The following MAGI2 variants were observed in gnomAD, a reference collection of about 807,000 sequenced individuals.
The protein encoded by MAGI2 is membrane-associated guanylate kinase, WW and PDZ domain-containing protein 2.
In MAGI2, 35 loss-of-function variants were observed where a neutral mutation model predicts 133.3. The ratio of observed to expected loss-of-function variants is 0.26; its 90% CI spans 0.20 to 0.35. The LOEUF (loss-of-function observed/expected upper bound fraction) is 0.35, where lower values mean the gene tolerates loss of function less well. Ranked by LOEUF, MAGI2 falls within the 10% of genes least tolerant of loss-of-function variation. The pLI, the probability that MAGI2 is intolerant of heterozygous loss-of-function variation, is 1.00. For synonymous variants in MAGI2, 729 were observed against 710.6 expected (o/e 1.03, Z -0.41); for missense variants, 1,636 against 1,863.4 (o/e 0.88, Z 2.25).
At chr7:78,277,548 G>A (rs970293089) in intron 9 of MAGI2, among the ~76,000 whole-genome samples, 1 of 152,128 alleles carries the variant, frequency 6.6e-6, no homozygotes, top group Admixed American at 6.5e-5. Flanking sequence ...TTAGAAAATG[G>A]GGTTAGCAAG....
intron 2 of MAGI2, among the ~76,000 whole-genome samples, chr7:78,681,991 A>T (rs1815721197): frequency 6.6e-6 from 1 of 150,426 alleles, no homozygotes; most frequent in African/African-American, 2.4e-5. Context: ...GACCAAGTAA[A>T]TTTTTTTTTT....
At chr7:79,003,559 T>C (rs1257124323) in intron 2 of MAGI2, among the ~76,000 whole-genome samples, 1 of 152,130 alleles carries the variant, frequency 6.6e-6, no homozygotes, top group Non-Finnish European at 1.5e-5. Flanking sequence ...TGAAAACCAA[T>C]GAGAATTTCT....
intron 1 of MAGI2, among the ~76,000 whole-genome samples, chr7:79,026,701 C>T (rs985584561): frequency 1.3e-5 from 2 of 151,836 alleles, no homozygotes; most frequent in Non-Finnish European, 2.9e-5. Context: ...GATGAAACCC[C>T]GTTTCCACTA....
chr7:78,472,461 C>A (rs949411613), intron 6 of MAGI2, among the ~76,000 whole-genome samples: 1 of 151,848 alleles, frequency 6.6e-6, no homozygotes, highest in Non-Finnish European at 1.5e-5. Context: ...TTCCCCAAGG[C>A]AGTAAAGGAG....
At chr7:78,133,479 C>T (rs1014470606) in intron 17 of MAGI2, among the ~76,000 whole-genome samples, 2 of 152,076 alleles carry the variant, frequency 1.3e-5, no homozygotes, top group African/African-American at 4.8e-5. Flanking sequence ...AGGAATGAAC[C>T]ATAAAAAGAA....
intron 3 of MAGI2, among the ~76,000 whole-genome samples, chr7:78,552,032 A>T (rs1453305632): frequency 2.6e-5 from 4 of 152,218 alleles, no homozygotes; most frequent in Non-Finnish European, 5.9e-5. Context: ...GGCATAAGCC[A>T]CTGCATCCAG....
chr7:79,204,281 C>G (rs1161162456), intron 1 of MAGI2, among the ~76,000 whole-genome samples: 1 of 152,086 alleles, frequency 6.6e-6, no homozygotes, highest in East Asian at 1.9e-4. Flanking sequence ...TAAACTCAAA[C>G]TATGACCTGC....
chr7:78,614,541 C>A lies in MAGI2; in HGVS notation c.538+12579G>T, dbSNP rs979593952. 2.6e-5 allele frequency: 4 copies of A among 151,998 alleles called. No individual in the cohort carries two copies. The East Asian group carries it at 5.8e-4, about 22-fold the overall frequency. 9.4% of individuals were successfully genotyped at this position (151,998 alleles called of 1,614,324 possible). On this transcript the variant is annotated intron_variant, in intron 3 of 21. Coordinates refer to ENST00000354212, the MANE Select transcript of MAGI2 (RefSeq NM_012301.4). Reference sequence around the variant, plus strand: ...GGGCAAAAGAATATGCAGTTTTTAACTTTATTATAATTGTAAAATATCTAA... The same window carrying A: ...GGGCAAAAGAATATGCAGTTTTTAAATTTATTATAATTGTAAAATATCTAA...
chr7:78,019,714 G>A lies in MAGI2; in HGVS notation c.3969C>T (p.Ala1323=). 6.3e-7 allele frequency: 1 copy of A among 1,591,536 alleles called. No individual in the cohort carries two copies. Among genetic ancestry groups the A allele is most frequent in the Non-Finnish European group, 8.5e-7 (1 of 1,173,550 alleles). Residue 1323 remains alanine (A), a synonymous_variant, in exon 22 of 22, where the codon GCC becomes GCT. Transcript: ENST00000354212. ...QRERSASPQR[A]ARPRLEEAPG... is the part of the protein sequence containing the mutation. ...GCGCCTCCTCGAGCCTCGGCCGCGC[G>A]GCCCTCTGCGGACTCGCCGAGCGCT... is the stretch of plus-strand genomic sequence containing the variant.
intron 2 of MAGI2, among the ~76,000 whole-genome samples, chr7:78,820,225 T>C (rs1789973119): frequency 6.6e-6 from 1 of 152,000 alleles, no homozygotes; most frequent in East Asian, 1.9e-4. Flanking sequence ...TTGGGTATAA[T>C]GGAGCTTTAA....
intron 3 of MAGI2, among the ~76,000 whole-genome samples, chr7:78,538,894 C>A (rs981459874): frequency 2.0e-5 from 3 of 152,096 alleles, no homozygotes; most frequent in Non-Finnish European, 2.9e-5. Context: ...GATATTCAGG[C>A]AACAACTAGC....
At chr7:78,921,913 T>A (rs946764027) in intron 2 of MAGI2, among the ~76,000 whole-genome samples, 1 of 152,096 alleles carries the variant, frequency 6.6e-6, no homozygotes, top group African/African-American at 2.4e-5. Context: ...GGATTATAGG[T>A]GTGAGCCACT....
intron 2 of MAGI2, among the ~76,000 whole-genome samples, chr7:78,639,016 A>G (rs1047151263): frequency 2.0e-5 from 3 of 152,204 alleles, no homozygotes; most frequent in Admixed American, 6.5e-5. Context: ...AATCTGGGCC[A>G]GAACTAGACT....
intron 2 of MAGI2, among the ~76,000 whole-genome samples, chr7:78,723,251 A>G (rs994148069): frequency 4.6e-5 from 7 of 152,214 alleles, no homozygotes; most frequent in Admixed American, 1.3e-4. Context: ...AGATGGCCTT[A>G]TAAATTCTAT....
chr7:78,888,635 C>T (rs1232869362), intron 2 of MAGI2, among the ~76,000 whole-genome samples: 2 of 152,190 alleles, frequency 1.3e-5, no homozygotes, highest in African/African-American at 2.4e-5. Flanking sequence ...GAGTGGACCT[C>T]CAGCAAACTC....
intron 21 of MAGI2, among the ~76,000 whole-genome samples, chr7:78,043,134 C>T (rs1457827117): frequency 6.6e-6 from 1 of 152,244 alleles, no homozygotes; most frequent in Non-Finnish European, 1.5e-5. Context: ...CTTCACAAAG[C>T]TGCCTGTGTG....
chr7:78,134,789 C>T lies in MAGI2; in HGVS notation c.3031+232G>A, dbSNP rs546356449. 47 of 436,966 alleles carry T rather than the reference C, an allele frequency of 1.1e-4. 1 individual carries two copies. The South Asian group carries it at 1.7e-3, about 16-fold the overall frequency. 27.1% of individuals were successfully genotyped at this position (436,966 alleles called of 1,614,324 possible). A position where few individuals can be genotyped will look rare whatever the true frequency, so the allele number is the denominator to read the frequency against. The stretch of plus-strand genomic sequence containing the variant: ...CTTGGAATTCACACTATTTAGCCTG[C>T]AATGTCACATAGCTTGACCTCTGAA... On this transcript the variant is annotated intron_variant, in intron 17 of 21. Transcript: ENST00000354212.
intron 1 of MAGI2, among the ~76,000 whole-genome samples, chr7:79,100,163 T>A (rs1008183393): frequency 1.8e-4 from 28 of 152,160 alleles, no homozygotes; most frequent in Admixed American, 8.5e-4. Context: ...TACTTTTTTT[T>A]AGGTTTATCT....
At chr7:78,639,169 T>C (rs1209760208) in intron 2 of MAGI2, among the ~76,000 whole-genome samples, 1 of 152,242 alleles carries the variant, frequency 6.6e-6, no homozygotes, top group Non-Finnish European at 1.5e-5. Context: ...ATCACCATTA[T>C]GTCCCTATGG....
Sources: allele counts gnomAD v4.1 joint callset (sites outside exome capture counted in the v4.1 genomes callset), GRCh38; gene constraint gnomAD v4.1.1; transcripts MANE v1.5; gene names NCBI Gene and HGNC (gene_info 2026-07-23, HGNC 2026-07-21).